SEMA6D: variants seen among roughly 807,000 people sequenced by gnomAD.
SEMA6D encodes the protein semaphorin-6D.
Under a neutral mutation model 106.6 loss-of-function variants are expected in SEMA6D, and 35 were observed. The ratio of observed to expected loss-of-function variants is 0.33; its 90% confidence interval spans 0.25 to 0.44. The LOEUF (loss-of-function observed/expected upper bound fraction) is 0.44, where lower values mean the gene tolerates loss of function less well. Ranked by LOEUF, SEMA6D falls within the 20% of genes least tolerant of loss-of-function variation. SEMA6D has a pLI of 1.00. For missense variants in SEMA6D, 1,185 were observed against 1,345.9 expected (o/e 0.88, Z 1.87); for synonymous variants, 499 against 487.7 (o/e 1.02, Z -0.31).
intron 1 of SEMA6D, among the ~76,000 whole-genome samples, chr15:47,245,926 TAAAA>T (rs1023462314): frequency 6.6e-6 from 1 of 152,004 alleles, no homozygotes; most frequent in Non-Finnish European, 1.5e-5. Flanking sequence ...ATCACAGAAT[TAAAA>T]AAATCATAAA....
At chr15:47,261,069 G>T (rs184488787) in intron 1 of SEMA6D, among the ~76,000 whole-genome samples, 1 of 152,198 alleles carries the variant, frequency 6.6e-6, no homozygotes, top group East Asian at 1.9e-4. Flanking sequence ...TATTTCCAGG[G>T]TTTATAATTG....
intron 4 of SEMA6D, among the ~76,000 whole-genome samples, chr15:47,637,015 A>AT (rs537465651): frequency 5.6e-4 from 86 of 152,298 alleles, no homozygotes; most frequent in African/African-American, 2.0e-3. Context: ...TTATGTGGAC[A>AT]TAAGTGTGAT....
intron 1 of SEMA6D, among the ~76,000 whole-genome samples, chr15:47,196,915 GTTCA>G (rs1894401627): frequency 2.0e-5 from 3 of 152,112 alleles, no homozygotes; most frequent in African/African-American, 7.2e-5. Context: ...GGCTGCTTCT[GTTCA>G]TTAGAATTTT....
chr15:47,766,153 A>T lies in SEMA6D; in HGVS notation c.1617A>T (p.Gly539=). The change falls in exon 15 of 19, where the codon GGA becomes GGT. Residue 539 remains glycine, a synonymous_variant. Coordinates refer to ENST00000536845, the MANE Select transcript of SEMA6D (RefSeq NM_001358351.3). ...RDPYCGWLSQ[G]SCGRVTPGML... ...CGTATTGTGGCTGGTTAAGCCAGGG[A>T]TCCTGTGGTAGAGTGACCCCAGGGA... is the stretch of plus-strand genomic sequence containing the variant. The T allele has an allele frequency of 6.2e-7, 1 of 1,613,502 alleles. No homozygotes were observed. Among genetic ancestry groups the T allele is most frequent in the Non-Finnish European group, 8.5e-7 (1 of 1,179,664 alleles).
chr15:47,461,874 C>T (rs1013112537), intron 2 of SEMA6D, among the ~76,000 whole-genome samples: 1 of 151,988 alleles, frequency 6.6e-6, no homozygotes, highest in Non-Finnish European at 1.5e-5. Flanking sequence ...CATATTTATA[C>T]TGGGATGAAA....
intron 3 of SEMA6D, among the ~76,000 whole-genome samples, chr15:47,579,140 ATT>A (rs34862760): frequency 0.29 from 37,479 of 129,472 alleles, 4,917 homozygotes; most frequent in Middle Eastern, 0.45. Context: ...AGAAATCTGT[ATT>A]TTTTTTTTTT....
At chr15:47,750,962 G>A (rs755113359) in intron 1 of SEMA6D, among the ~76,000 whole-genome samples, 18 of 152,204 alleles carry the variant, frequency 1.2e-4, no homozygotes, top group Non-Finnish European at 2.1e-4. Context: ...GAGTTACTTG[G>A]TGAGCCTGGA....
At chr15:47,433,489 G>A (rs2041604048) in intron 2 of SEMA6D, among the ~76,000 whole-genome samples, 1 of 152,000 alleles carries the variant, frequency 6.6e-6, no homozygotes, top group Non-Finnish European at 1.5e-5. Context: ...CTATGATTTT[G>A]CTTCAAAAGA....
chr15:47,350,299 T>C (rs1466153127), intron 1 of SEMA6D, among the ~76,000 whole-genome samples: 2 of 152,194 alleles, frequency 1.3e-5, no homozygotes, highest in African/African-American at 4.8e-5. Context: ...CTTGCATACA[T>C]CAGCCTCATA....
intron 1 of SEMA6D, among the ~76,000 whole-genome samples, chr15:47,251,915 T>A (rs1382114936): frequency 5.4e-5 from 7 of 130,006 alleles, no homozygotes; most frequent in African/African-American, 1.5e-4. Flanking sequence ...GGATTTTTTT[T>A]TTTTTTTTTT....
intron 4 of SEMA6D, among the ~76,000 whole-genome samples, chr15:47,697,571 A>G (rs1003485109): frequency 8.5e-5 from 13 of 152,160 alleles, no homozygotes; most frequent in African/African-American, 3.1e-4. Context: ...AATTATTTTT[A>G]GGTAATAATT....
intron 1 of SEMA6D, among the ~76,000 whole-genome samples, chr15:47,316,061 A>G (rs913952683): frequency 1.4e-5 from 2 of 143,534 alleles, no homozygotes; most frequent in South Asian, 2.2e-4. Context: ...AAACAAGGAC[A>G]GTTTTATTTC....
Position 47,771,943 on chromosome 15 carries a change from C to A in SEMA6D, c.*158C>A. On this transcript the variant is annotated 3_prime_UTR_variant, in exon 19 of 19. Coordinates refer to ENST00000536845, the MANE Select transcript of SEMA6D (RefSeq NM_001358351.3). The stretch of plus-strand genomic sequence containing the variant: ...ACTTTGGCAACATCAGAACTTGCCA[C>A]ATGTAGCTACTGCAGCAAGGCTTCT... 1 of 690,998 alleles carries A rather than the reference C, an allele frequency of 1.4e-6. No individual in the cohort carries two copies. The highest frequency in any genetic ancestry group is 2.4e-6 in the Non-Finnish European group (1 of 412,972). The allele number at this position is 690,998 out of a possible 1,614,324, so 42.8% of individuals were successfully genotyped here.
intron 3 of SEMA6D, among the ~76,000 whole-genome samples, chr15:47,556,334 G>A (rs181978818): frequency 1.3e-5 from 2 of 152,096 alleles, no homozygotes; most frequent in African/African-American, 4.8e-5. Context: ...ATCATAGCAT[G>A]GATAAAATTT....
chr15:47,298,700 G>A lies in SEMA6D; in HGVS notation c.-238-113693G>A, dbSNP rs145008753. Among the ~76,000 whole-genome samples, 343 of 152,174 alleles carry A rather than the reference G, an allele frequency of 2.3e-3. 3 individuals are homozygous for A. The highest frequency in any genetic ancestry group is 7.7e-3 in the African/African-American group (319 of 41,514). ...AGTTTACGGTTGTGTATTAAGCCTC[G>A]GTCTCTTGTCTCTCCTCCTATTGCA... On this transcript the variant is annotated intron_variant, in intron 1 of 19. Coordinates refer to the SEMA6D transcript ENST00000558014.
chr15:47,666,787 C>T (rs1037761282), intron 4 of SEMA6D, among the ~76,000 whole-genome samples: 2 of 152,150 alleles, frequency 1.3e-5, no homozygotes, highest in African/African-American at 4.8e-5. Context: ...AATGAAGCTA[C>T]TCAATGTAAA....
chr15:47,583,872 GTTC>G (rs1389778578), intron 3 of SEMA6D, among the ~76,000 whole-genome samples: 1 of 152,144 alleles, frequency 6.6e-6, no homozygotes, highest in South Asian at 2.1e-4. Flanking sequence ...GGAGAGTCGG[GTTC>G]TTCTTCACAG....
At chr15:47,373,098 A>T (rs370121045) in intron 1 of SEMA6D, among the ~76,000 whole-genome samples, 1 of 152,202 alleles carries the variant, frequency 6.6e-6, no homozygotes, top group African/African-American at 2.4e-5. Flanking sequence ...ATTGTGAAGC[A>T]CCTGCTTCTT....
chr15:47,402,747 C>CA (rs780199648), intron 1 of SEMA6D, among the ~76,000 whole-genome samples: 1 of 121,490 alleles, frequency 8.2e-6, no homozygotes, highest in African/African-American at 3.1e-5. Context: ...GTGAGCCAGA[C>CA]TTTTTTTTTT....
Sources: allele counts gnomAD v4.1 joint callset (sites outside exome capture counted in the v4.1 genomes callset), GRCh38; gene constraint gnomAD v4.1.1; transcripts MANE v1.5; gene names NCBI Gene and HGNC (gene_info 2026-07-23, HGNC 2026-07-21).